Variants in NCOA1 observed in about 807,000 individuals in gnomAD.
The protein encoded by NCOA1 is nuclear receptor coactivator 1.
A neutral mutation model predicts 150.9 loss-of-function variants in NCOA1; 35 were observed. That is an observed-to-expected ratio of 0.23 (90% confidence interval 0.18 to 0.31). NCOA1 has a LOEUF of 0.31. Ranked by LOEUF, NCOA1 falls within the 10% of genes least tolerant of loss-of-function variation. NCOA1 has a pLI of 1.00. For synonymous variants in NCOA1, 590 were observed against 630.0 expected, an observed-to-expected ratio of 0.94 and a Z score of 0.95; for missense variants, 1,491 against 1,749.3, an observed-to-expected ratio of 0.85 and a Z score of 2.63.
chr2:24,560,118 G>A (rs989608810), intron 1 of NCOA1, among the ~76,000 whole-genome samples: 4 of 152,156 alleles, frequency 2.6e-5, no homozygotes, highest in Admixed American at 6.5e-5. Context: ...GTCAAGGCAC[G>A]TGGAAAATCT....
At chr2:24,632,298 A>G (rs1269483549) in intron 3 of NCOA1, among the ~76,000 whole-genome samples, 3 of 152,182 alleles carry the variant, frequency 2.0e-5, no homozygotes, top group Non-Finnish European at 4.4e-5. Context: ...TGAATCTTCA[A>G]AAGGCTCGGA....
At chr2:24,634,864 C>T (rs903518225) in intron 3 of NCOA1, among the ~76,000 whole-genome samples, 17 of 152,104 alleles carry the variant, frequency 1.1e-4, no homozygotes, top group Admixed American at 2.0e-4. Context: ...TACAGGCACA[C>T]ACCACCTTGC....
chr2:24,730,339 T>G (rs190040463), intron 17 of NCOA1, among the ~76,000 whole-genome samples: 296 of 152,292 alleles, frequency 1.9e-3, no homozygotes, highest in Admixed American at 3.2e-3. Flanking sequence ...TTCATTCAAT[T>G]AGGCTCCTAA....
Position 24,706,762 on chromosome 2 carries a change from A to G in NCOA1, c.1292A>G (p.His431Arg), listed in dbSNP as rs202008308. ...QQSSDLHSSSHSNSSNSQGSF... is the reference protein window; with the variant it reads ...QQSSDLHSSSRSNSSNSQGSF... ...AGCTCAGACCTTCATAGCAGCAGTC[A>G]TAGTAATTCTAGCAACAGCCAAGGA... is the stretch of plus-strand genomic sequence containing the variant. The change falls in exon 13 of 23, where the codon CAT becomes CGT. Residue 431 changes from histidine to arginine, a missense_variant. His to Arg is a conservative substitution (Grantham distance 29). This residue lies in a region of NCOA1 where 703 missense variants were observed against 717.7 expected (regional missense o/e 0.98). Coordinates refer to ENST00000348332, the MANE Select transcript of NCOA1 (RefSeq NM_003743.5). 638 of 1,614,096 alleles carry G rather than the reference A, an allele frequency of 4.0e-4. 2 individuals are homozygous for G. The highest frequency in any genetic ancestry group is 5.2e-4 in the Non-Finnish European group (614 of 1,180,042).
intron 1 of NCOA1, among the ~76,000 whole-genome samples, chr2:24,555,565 CTG>C (rs1328199190): frequency 6.6e-6 from 1 of 152,210 alleles, no homozygotes; most frequent in Non-Finnish European, 1.5e-5. Flanking sequence ...ATATCGATAA[CTG>C]TAATTGTGGA....
At chr2:24,716,500 G>GA (rs1032847756) in intron 14 of NCOA1, among the ~76,000 whole-genome samples, 5 of 151,884 alleles carry the variant, frequency 3.3e-5, no homozygotes, top group East Asian at 1.9e-4. Context: ...CATCTATGTA[G>GA]AAAAAAATGA....
chr2:24,651,247 A>T (rs990136613), intron 4 of NCOA1, among the ~76,000 whole-genome samples: 1 of 152,060 alleles, frequency 6.6e-6, no homozygotes, highest in African/African-American at 2.4e-5. Flanking sequence ...AGCTGTCTGC[A>T]CTCCCATGTT....
intron 5 of NCOA1, 144 bp from the exon 6 acceptor site, chr2:24,665,605 G>C (rs1464910717): frequency 3.0e-6 from 2 of 673,404 alleles, no homozygotes; most frequent in Non-Finnish European, 4.3e-6. Flanking sequence ...CTTTTTAGAT[G>C]TGAATTTATA....
At position 24,701,399 on chromosome 2, in the gene NCOA1, C is replaced by T. The variant is rs558721419; in HGVS notation, c.949+3601C>T. On this transcript the variant is annotated intron_variant, in intron 11 of 22. Transcript: ENST00000348332. ...GCACACAGGTATGGTCCCAGCTAGT[C>T]GGGAGGCTGAGATGAGAGAATTGCT... is the stretch of plus-strand genomic sequence containing the variant. 7.7e-4 allele frequency among the ~76,000 whole-genome samples: 116 copies of T among 150,872 alleles called. 1 individual carries two copies. Among genetic ancestry groups the T allele is most frequent in the African/African-American group, 2.6e-3 (108 of 41,042 alleles).
At chr2:24,631,472 C>A in intron 3 of NCOA1, among the ~76,000 whole-genome samples, 1 of 152,174 alleles carries the variant, frequency 6.6e-6, no homozygotes, top group East Asian at 1.9e-4. Flanking sequence ...CATCACACCT[C>A]ACAGTCAGTA....
intron 3 of NCOA1, among the ~76,000 whole-genome samples, chr2:24,627,002 A>G (rs548293694): frequency 2.0e-5 from 3 of 152,266 alleles, no homozygotes; most frequent in South Asian, 4.1e-4. Flanking sequence ...ACTGCCTGTT[A>G]GAAAGAGAAA....
At chr2:24,728,607 T>C (rs572936515) in intron 16 of NCOA1, 131 bp downstream of exon 16, 3 of 689,284 alleles carry the variant, frequency 4.4e-6, no homozygotes, top group South Asian at 3.3e-5. Flanking sequence ...GTGAAACTTA[T>C]CAAAATATAT....
At chr2:24,507,434 G>GT (rs1320439565) in intron 1 of NCOA1, among the ~76,000 whole-genome samples, 9 of 60,806 alleles carry the variant, frequency 1.5e-4, no homozygotes, top group South Asian at 6.7e-4. Context: ...TGAGCTGCTG[G>GT]GTTTTTTTTT....
chr2:24,497,976 A>G (rs1388895729), intron 1 of NCOA1, among the ~76,000 whole-genome samples: 1 of 152,170 alleles, frequency 6.6e-6, no homozygotes, highest in Non-Finnish European at 1.5e-5. Flanking sequence ...ACATACTTTT[A>G]TTATCAAGCA....
At chr2:24,538,408 G>A (rs149035715) in intron 1 of NCOA1, among the ~76,000 whole-genome samples, 1 of 152,322 alleles carries the variant, frequency 6.6e-6, no homozygotes, top group African/African-American at 2.4e-5. Context: ...AAGCAATAGA[G>A]TAAGTCATTG....
chr2:24,726,790 C>A, intron 15 of NCOA1, 84 bp downstream of exon 15: 2 of 668,292 alleles, frequency 3.0e-6, no homozygotes, highest in Non-Finnish European at 4.8e-6. Context: ...ACATTTCAGT[C>A]TACAGTGGTA....
intron 11 of NCOA1, among the ~76,000 whole-genome samples, chr2:24,703,163 A>G (rs1346680522): frequency 2.0e-5 from 3 of 152,190 alleles, no homozygotes; most frequent in African/African-American, 7.2e-5. Context: ...GAGTTGACTG[A>G]GATGGGTGAA....
intron 7 of NCOA1, among the ~76,000 whole-genome samples, chr2:24,680,171 G>A (rs1672098892): frequency 6.6e-6 from 1 of 152,160 alleles, no homozygotes; most frequent in Non-Finnish European, 1.5e-5. Flanking sequence ...TATATACCCA[G>A]TACTGGGATT....
At chr2:24,607,697 A>C (rs1380303315) in intron 3 of NCOA1, among the ~76,000 whole-genome samples, 1 of 152,166 alleles carries the variant, frequency 6.6e-6, no homozygotes, top group Non-Finnish European at 1.5e-5. Flanking sequence ...TCTAAAAAAA[A>C]AAAAAGTGAG....
Sources: allele counts gnomAD v4.1 joint callset (sites outside exome capture counted in the v4.1 genomes callset), GRCh38; gene constraint gnomAD v4.1.1; regional missense constraint gnomAD v4.1.1; transcripts MANE v1.5; gene names NCBI Gene and HGNC (gene_info 2026-07-23, HGNC 2026-07-21).